COL26A1: variants seen among roughly 807,000 people sequenced by gnomAD.
COL26A1 encodes the protein collagen alpha-1(XXVI) chain.
Under a neutral mutation model 59.3 loss-of-function variants are expected in COL26A1, and 41 were observed. The ratio of observed to expected loss-of-function variants is 0.69; its 90% CI spans 0.54 to 0.90. The LOEUF is 0.90. Ranked by LOEUF, COL26A1 falls within the 40% of genes least tolerant of loss-of-function variation. The pLI is 0.00. For missense variants in COL26A1, 612 were observed against 602.3 expected, an observed-to-expected ratio of 1.02 and a Z score of -0.17; for synonymous variants, 266 against 256.0, an observed-to-expected ratio of 1.04 and a Z score of -0.37.
At chr7:101,442,000 G>T (rs189962968) in intron 2 of COL26A1, among the ~76,000 whole-genome samples, 1 of 152,248 alleles carries the variant, frequency 6.6e-6, no homozygotes, top group East Asian at 1.9e-4. Context: ...TAGGGACAGA[G>T]CCCAAATGCC....
rs369233097 is a variant in COL26A1 at position 101,516,444 on chromosome 7, A to AT, written c.386-16628dup. Among the ~76,000 whole-genome samples the AT allele has an allele frequency of 1.3e-3, 193 of 148,712 alleles. 1 individual carries two copies. The highest frequency in any genetic ancestry group is 3.4e-3 in the Middle Eastern group (1 of 292). On this transcript the variant is annotated intron_variant, in intron 3 of 12. Coordinates refer to ENST00000313669, the MANE Select transcript of COL26A1 (RefSeq NM_001278563.3). ...GCACCACCATGCATGGCTAGTTTTA[A>AT]TTTTTTTTTTAGAGATGGGGTCTCA...
chr7:101,555,588 G>C (rs1795955573), intron 11 of COL26A1, among the ~76,000 whole-genome samples, 199 bp from the exon 12 acceptor site: 1 of 152,146 alleles, frequency 6.6e-6, no homozygotes, highest in Non-Finnish European at 1.5e-5. Flanking sequence ...CAAGCTCTTT[G>C]TCTGTGAACA....
intron 3 of COL26A1, among the ~76,000 whole-genome samples, chr7:101,471,429 TA>T (rs1386712745): frequency 2.6e-5 from 4 of 152,224 alleles, no homozygotes; most frequent in African/African-American, 9.6e-5. Context: ...ATAGTGAAGC[TA>T]AGATAATGTA....
intron 3 of COL26A1, among the ~76,000 whole-genome samples, chr7:101,483,524 A>G (rs1335283188): frequency 1.3e-5 from 2 of 150,622 alleles, no homozygotes; most frequent in Non-Finnish European, 3.0e-5. Context: ...TATTTTTTTA[A>G]AGAGACAGGG....
At chr7:101,530,443 C>T (rs1028284450) in intron 3 of COL26A1, among the ~76,000 whole-genome samples, 2 of 151,624 alleles carry the variant, frequency 1.3e-5, no homozygotes, top group East Asian at 3.9e-4. Context: ...TGATGCGTGC[C>T]TGTAATCCTA....
At chr7:101,451,577 C>T (rs6465807) in intron 3 of COL26A1, among the ~76,000 whole-genome samples, 68,109 of 149,008 alleles carry the variant, frequency 0.46, 17,785 homozygotes, top group Admixed American at 0.59. Flanking sequence ...ATATATTATA[C>T]GTAAAGTATA....
chr7:101,445,786 A>G (rs1354853863), intron 2 of COL26A1, among the ~76,000 whole-genome samples: 3 of 146,534 alleles, frequency 2.0e-5, no homozygotes. Context: ...GCGGTGGCCC[A>G]TGTCTGTAAT....
intron 8 of COL26A1, among the ~76,000 whole-genome samples, chr7:101,548,476 T>C (rs1228172056): frequency 6.6e-6 from 1 of 151,662 alleles, no homozygotes; most frequent in African/African-American, 2.4e-5. Context: ...CGGTGGCTGG[T>C]TTACATAAGG....
intron 3 of COL26A1, among the ~76,000 whole-genome samples, chr7:101,449,943 A>G (rs1157250162): frequency 6.6e-6 from 1 of 151,864 alleles, no homozygotes; most frequent in Non-Finnish European, 1.5e-5. Context: ...GACCAACATG[A>G]TCAAACCCCA....
chr7:101,363,339 T>G, intron 1 of COL26A1, 149 bp downstream of exon 1: 1 of 338,832 alleles, frequency 3.0e-6, no homozygotes, highest in Non-Finnish European at 4.3e-6. Flanking sequence ...GACTGGGGGC[T>G]GCAGACACCG....
rs1294437692 is a variant in COL26A1, at chr7:101,463,636, T to TTCCTTCCA, written c.385+15873_385+15880dup. 6.3e-4 allele frequency among the ~76,000 whole-genome samples: 32 copies of TTCCTTCCA among 50,482 alleles called. 1 individual carries two copies. The highest frequency in any genetic ancestry group is 3.0e-3 in the Admixed American group (14 of 4,688). 33.1% of individuals were successfully genotyped at this position (50,482 alleles called of 152,430 possible). Reference sequence around the variant, plus strand: ...CTCCCTCCCTCCCCCTCTTCCTTCCTTCCTTCCATCCTTCCATCCTTCCAT... The same window carrying TTCCTTCCA: ...CTCCCTCCCTCCCCCTCTTCCTTCCTTCCTTCCATCCTTCCATCCTTCCATCCTTCCAT... On this transcript the variant is annotated intron_variant, in intron 3 of 12. Coordinates refer to ENST00000313669, the MANE Select transcript of COL26A1 (RefSeq NM_001278563.3).
chr7:101,414,908 C>T (rs1294704100), intron 1 of COL26A1, among the ~76,000 whole-genome samples: 3 of 152,186 alleles, frequency 2.0e-5, no homozygotes, highest in Admixed American at 1.3e-4. Flanking sequence ...CGCCAGTCCT[C>T]GGGTCAGGAA....
chr7:101,480,773 G>A lies in COL26A1; in HGVS notation c.385+32986G>A, dbSNP rs929874103. ...CCGCCTTGGCCTCCCAAAGTGCTGG[G>A]ATTACAGGTGTGAGCCACTGTACCT... On this transcript the variant is annotated intron_variant, in intron 3 of 12. Transcript: ENST00000313669. Among the ~76,000 whole-genome samples the A allele has an allele frequency of 4.6e-5, 7 of 152,186 alleles. 1 individual carries two copies. Among genetic ancestry groups the A allele is most frequent in the Admixed American group, 3.9e-4 (6 of 15,274 alleles).
At chr7:101,503,446 A>T (rs1563016040) in intron 3 of COL26A1, among the ~76,000 whole-genome samples, 1 of 152,060 alleles carries the variant, frequency 6.6e-6, no homozygotes, top group Non-Finnish European at 1.5e-5. Context: ...CAGTGGTGCG[A>T]TCATCACTCA....
intron 5 of COL26A1, among the ~76,000 whole-genome samples, chr7:101,542,961 A>G (rs556923568): frequency 6.6e-6 from 1 of 152,270 alleles, no homozygotes; most frequent in East Asian, 1.9e-4. Context: ...CTTTCCAACC[A>G]GGGGAAAATG....
intron 3 of COL26A1, among the ~76,000 whole-genome samples, chr7:101,485,669 G>GC (rs1255748849): frequency 1.3e-5 from 2 of 152,132 alleles, no homozygotes; most frequent in African/African-American, 2.4e-5. Flanking sequence ...ACAGGGTCTG[G>GC]CCCTGAAGAG....
At chr7:101,490,166 G>A (rs1563008776) in intron 3 of COL26A1, among the ~76,000 whole-genome samples, 1 of 151,606 alleles carries the variant, frequency 6.6e-6, no homozygotes, top group Non-Finnish European at 1.5e-5. Flanking sequence ...TCGAACTCCT[G>A]ACCTCGTGAT....
chr7:101,533,018 G>A (rs2130639570), intron 3 of COL26A1, 64 bp from the exon 4 acceptor site: 2 of 1,265,654 alleles, frequency 1.6e-6, no homozygotes, highest in Non-Finnish European at 2.2e-6. Flanking sequence ...CTATCCTGGT[G>A]ACTGGGCTGC....
chr7:101,407,303 A>G (rs1228401454), intron 1 of COL26A1, among the ~76,000 whole-genome samples: 5 of 152,026 alleles, frequency 3.3e-5, no homozygotes, highest in Non-Finnish European at 5.9e-5. Flanking sequence ...TGCCTTCACC[A>G]TGGCCCTCCG....
Sources: allele counts gnomAD v4.1 joint callset (sites outside exome capture counted in the v4.1 genomes callset), GRCh38; gene constraint gnomAD v4.1.1; transcripts MANE v1.5; gene names NCBI Gene and HGNC (gene_info 2026-07-23, HGNC 2026-07-21).